The following PXDNL variants were observed in gnomAD, a reference collection of about 807,000 sequenced individuals.
The protein encoded by PXDNL is probable oxidoreductase PXDNL.
In PXDNL, 145 loss-of-function variants were observed where a neutral mutation model predicts 150.8. The observed-to-expected ratio is 0.96, with a 90% CI of 0.84 to 1.10. The LOEUF (loss-of-function observed/expected upper bound fraction) is 1.10. Ranked by LOEUF, PXDNL falls within the 50% of genes least tolerant of loss-of-function variation. The probability of loss-of-function intolerance (pLI) is 0.00; values close to 1 mark genes in which losing one functional copy is unlikely to be tolerated. For missense variants in PXDNL, 2,087 were observed against 1,873.9 expected (o/e 1.11, Z -2.10); for synonymous variants, 757 against 725.7 (o/e 1.04, Z -0.69).
chr8:51,603,383 C>T (rs73572338), intron 2 of PXDNL, among the ~76,000 whole-genome samples: 12,750 of 151,852 alleles, frequency 0.084, 863 homozygotes, highest in African/African-American at 0.18. Flanking sequence ...TTATCTAAAC[C>T]ATCTTTTTAA....
chr8:51,419,803 T>A (rs1808899433), intron 14 of PXDNL, among the ~76,000 whole-genome samples: 1 of 152,156 alleles, frequency 6.6e-6, no homozygotes, highest in Non-Finnish European at 1.5e-5. Context: ...ATACAAAATA[T>A]TATCTAGAAA....
intron 4 of PXDNL, among the ~76,000 whole-genome samples, chr8:51,526,136 A>G (rs33979345): frequency 0.18 from 28,117 of 152,078 alleles, 2,779 homozygotes; most frequent in Admixed American, 0.26. Context: ...GTGTGTGTCA[A>G]TCACAGGAGT....
At chr8:51,512,758 G>A (rs940478141) in intron 4 of PXDNL, among the ~76,000 whole-genome samples, 2 of 152,212 alleles carry the variant, frequency 1.3e-5, no homozygotes, top group Admixed American at 6.5e-5. Flanking sequence ...CTGGTGCCCA[G>A]ATGGCTGCAG....
intron 17 of PXDNL, among the ~76,000 whole-genome samples, chr8:51,376,574 C>T (rs1469995418): frequency 6.6e-6 from 1 of 152,126 alleles, no homozygotes; most frequent in East Asian, 1.9e-4. Context: ...CTCTCTCTCT[C>T]TTAATTCCTA....
intron 1 of PXDNL, among the ~76,000 whole-genome samples, chr8:51,704,735 A>G (rs1320037904): frequency 6.6e-6 from 1 of 152,168 alleles, no homozygotes; most frequent in Admixed American, 6.5e-5. Flanking sequence ...ATTTCTAATG[A>G]GGTTAAGCAT....
Position 51,644,333 on chromosome 8 carries a change from TATATACACACACACAC to T in PXDNL, c.236+10340_236+10355del, listed in dbSNP as rs1290700192. Among the ~76,000 whole-genome samples the T allele has an allele frequency of 1.5e-4, 8 of 52,626 alleles. 1 individual carries two copies. The East Asian group carries it at 3.7e-3, about 24-fold the overall frequency. 34.5% of individuals were successfully genotyped at this position (52,626 alleles called of 152,430 possible). On this transcript the variant is annotated intron_variant, in intron 2 of 22. Coordinates refer to ENST00000356297, the MANE Select transcript of PXDNL (RefSeq NM_144651.5). ...AGGCACATTTTTACATATATATATA[TATATACACACACACAC>T]ACACACACACACACATATGTATATA...
intron 1 of PXDNL, among the ~76,000 whole-genome samples, chr8:51,771,642 G>A (rs895650775): frequency 1.3e-5 from 2 of 151,840 alleles, no homozygotes; most frequent in African/African-American, 4.8e-5. Context: ...GAGAGAAAAA[G>A]AAAAAGAAAG....
intron 1 of PXDNL, among the ~76,000 whole-genome samples, chr8:51,728,238 C>T (rs1300586303): frequency 2.6e-5 from 4 of 152,186 alleles, no homozygotes; most frequent in African/African-American, 7.2e-5. Context: ...AAAAGTCTAG[C>T]ACATACAGTT....
rs901150191 is a variant in PXDNL, at chr8:51,323,695, C to T, written c.4147-2798G>A. Among the ~76,000 whole-genome samples the T allele has an allele frequency of 1.3e-5, 2 of 151,912 alleles. 1 individual carries two copies. The highest frequency in any genetic ancestry group is 2.9e-5 in the Non-Finnish European group (2 of 68,000). ...TTGGGAGGCTGAGGCAGGGGGATCA[C>T]CTGAGGTCAGAAGTTCAAGACCAGC... On this transcript the variant is annotated intron_variant, in intron 21 of 22. Transcript: ENST00000356297.
chr8:51,497,073 G>T (rs1402968796), intron 5 of PXDNL, among the ~76,000 whole-genome samples: 1 of 152,120 alleles, frequency 6.6e-6, no homozygotes, highest in Non-Finnish European at 1.5e-5. Context: ...CATGGTACTG[G>T]CACCAAAACA....
At chr8:51,523,586 G>A (rs1449103602) in intron 4 of PXDNL, among the ~76,000 whole-genome samples, 1 of 152,174 alleles carries the variant, frequency 6.6e-6, no homozygotes, top group African/African-American at 2.4e-5. Context: ...AATTCAGCTA[G>A]ATGATGCCCA....
chr8:51,483,561 G>C, intron 6 of PXDNL, 82 bp downstream of exon 6: 3 of 860,740 alleles, frequency 3.5e-6, no homozygotes, highest in Non-Finnish European at 5.6e-6. Context: ...AAAAGCAGGA[G>C]AAGGCAACCA....
chr8:51,636,073 C>A (rs1814597079), intron 2 of PXDNL, among the ~76,000 whole-genome samples: 1 of 152,020 alleles, frequency 6.6e-6, no homozygotes, highest in Non-Finnish European at 1.5e-5. Context: ...ATGTTATGCA[C>A]CACATTAATG....
chr8:51,582,216 A>C (rs561439216), intron 3 of PXDNL, among the ~76,000 whole-genome samples: 98 of 152,224 alleles, frequency 6.4e-4, no homozygotes, highest in African/African-American at 2.2e-3. Flanking sequence ...ATTATTACAA[A>C]GCACATGTAC....
intron 1 of PXDNL, among the ~76,000 whole-genome samples, chr8:51,664,974 C>T (rs930340643): frequency 2.0e-5 from 3 of 152,124 alleles, no homozygotes; most frequent in African/African-American, 2.4e-5. Flanking sequence ...ATGGTGAAGT[C>T]GAGGGCACCA....
intron 2 of PXDNL, among the ~76,000 whole-genome samples, chr8:51,635,590 A>C (rs1030538630): frequency 2.0e-5 from 3 of 152,022 alleles, no homozygotes; most frequent in South Asian, 4.1e-4. Flanking sequence ...ACACCAACAA[A>C]TTAGATAACC....
intron 6 of PXDNL, among the ~76,000 whole-genome samples, chr8:51,480,878 T>C (rs1055191783): frequency 6.6e-6 from 1 of 152,166 alleles, no homozygotes; most frequent in Non-Finnish European, 1.5e-5. Flanking sequence ...GAAATGTGAG[T>C]CCATTAAACC....
At chr8:51,801,178 G>A (rs2037615471) in intron 1 of PXDNL, among the ~76,000 whole-genome samples, 1 of 152,202 alleles carries the variant, frequency 6.6e-6, no homozygotes, top group South Asian at 2.1e-4. Context: ...AGCCGCTCTG[G>A]GAGTGTCTGT....
At chr8:51,663,023 G>A (rs1233218205) in intron 1 of PXDNL, among the ~76,000 whole-genome samples, 1 of 152,212 alleles carries the variant, frequency 6.6e-6, no homozygotes, top group Non-Finnish European at 1.5e-5. Context: ...CAAAAGGGAA[G>A]TGGAGAGAAC....
Sources: gnomAD v4.1 joint callset for allele counts (sites outside exome capture counted in the v4.1 genomes callset) on GRCh38, gnomAD v4.1.1 for gene constraint, MANE v1.5 for transcripts, NCBI Gene and HGNC (gene_info 2026-07-23, HGNC 2026-07-21) for gene names.